The following ZNF423 variants were observed in gnomAD, a reference collection of about 807,000 sequenced individuals.
ZNF423 encodes zinc finger protein 423.
ZNF423 carries 12 observed loss-of-function variants against 95.8 expected under a neutral mutation model. The observed-to-expected ratio is 0.13, with a 90% CI of 0.08 to 0.20. The LOEUF is 0.20. Ranked by LOEUF, ZNF423 falls within the 10% of genes least tolerant of loss-of-function variation. ZNF423 has a pLI of 1.00. For missense variants in ZNF423, 1,316 were observed against 1,737.1 expected (o/e 0.76, Z 4.31); for synonymous variants, 749 against 711.9 (o/e 1.05, Z -0.83).
chr16:49,555,734 G>A lies in ZNF423; in HGVS notation c.3602-30240C>T, dbSNP rs778289987. Among the ~76,000 whole-genome samples, 34 of 152,186 alleles carry A rather than the reference G, an allele frequency of 2.2e-4. 1 individual carries two copies. The highest frequency in any genetic ancestry group is 4.4e-4 in the Non-Finnish European group (30 of 68,032). On this transcript the variant is annotated intron_variant, in intron 5 of 7. Coordinates refer to ENST00000563137, the MANE Select transcript of ZNF423 (RefSeq NM_001379286.1). ...TGGAAGAATGAATGAGTGGGCGGAT[G>A]GAAGGATAAGTGTATGGGTGAATAA...
intron 7 of ZNF423, among the ~76,000 whole-genome samples, chr16:49,497,495 T>C (rs905054889): frequency 3.3e-5 from 5 of 152,130 alleles, no homozygotes; most frequent in Non-Finnish European, 5.9e-5. Context: ...CCCTATAGCA[T>C]ATGAAGGCAC....
At chr16:49,760,961 C>T (rs1453709498) in intron 2 of ZNF423, among the ~76,000 whole-genome samples, 3 of 151,542 alleles carry the variant, frequency 2.0e-5, no homozygotes, top group Non-Finnish European at 4.4e-5. Context: ...TACATGCATG[C>T]ACATGAACAC....
intron 1 of ZNF423, among the ~76,000 whole-genome samples, chr16:49,796,204 G>A (rs1000107527): frequency 6.6e-6 from 1 of 152,068 alleles, no homozygotes; most frequent in Non-Finnish European, 1.5e-5. Flanking sequence ...CAACTCTCCT[G>A]CTCTGGGATT....
chr16:49,734,180 TTGC>T (rs2033232220), intron 2 of ZNF423, among the ~76,000 whole-genome samples: 1 of 152,162 alleles, frequency 6.6e-6, no homozygotes, highest in African/African-American at 2.4e-5. Context: ...ACCTGATCGG[TTGC>T]TCAGTAAGTC....
In ZNF423 at chr16:49,637,352, C is replaced by G. The variant is rs777708604; in HGVS notation, c.1824G>C (p.Lys608Asn). Reference protein sequence around the residue: ...NIPLAHSKKSKAEQSPVSSDV... With the variant: ...NIPLAHSKKSNAEQSPVSSDV... ...CGGACGAGACTGGGCTCTGCTCGGC[C>G]TTGGACTTCTTGCTGTGGGCCAGTG... The change falls in exon 4 of 8, where the codon AAG becomes AAC. Residue 608 changes from lysine (K) to asparagine (N), a missense_variant. Lys to Asn is a moderately conservative substitution (Grantham distance 94). Transcript: ENST00000563137. The surrounding 1 kb of genome is among the most constrained non-coding windows in gnomAD (Gnocchi z 5.6). The G allele has an allele frequency of 6.2e-7, 1 of 1,614,212 alleles. No homozygotes were observed. Among genetic ancestry groups the G allele is most frequent in the Admixed American group, 1.7e-5 (1 of 60,028 alleles).
intron 5 of ZNF423, among the ~76,000 whole-genome samples, chr16:49,620,174 A>AAC (rs1567507967): frequency 6.7e-6 from 1 of 149,010 alleles, no homozygotes; most frequent in East Asian, 2.0e-4. Flanking sequence ...ACACACACAC[A>AAC]ACACACACAT....
intron 3 of ZNF423, among the ~76,000 whole-genome samples, chr16:49,646,038 AT>A (rs1240049175): frequency 6.6e-6 from 1 of 152,228 alleles, no homozygotes; most frequent in Admixed American, 6.5e-5. Context: ...GAATGAACTA[AT>A]ATACTGTAGA....
At chr16:49,753,225 C>A (rs1427992167) in intron 2 of ZNF423, among the ~76,000 whole-genome samples, 1 of 152,140 alleles carries the variant, frequency 6.6e-6, no homozygotes. Context: ...TCCTGGGCAA[C>A]AGAGCAAGAC....
intron 5 of ZNF423, among the ~76,000 whole-genome samples, chr16:49,615,540 G>A (rs1053391303): frequency 7.9e-5 from 12 of 152,262 alleles, no homozygotes; most frequent in East Asian, 1.9e-4. Flanking sequence ...AGAAAGGCAC[G>A]CAGGCTAGGC....
At chr16:49,840,071 C>T (rs1015887024) in intron 1 of ZNF423, among the ~76,000 whole-genome samples, 8 of 152,116 alleles carry the variant, frequency 5.3e-5, no homozygotes, top group African/African-American at 1.7e-4. Context: ...TAAACATGTG[C>T]GAGGAATGAA....
chr16:49,620,340 G>C (rs1972027359), intron 5 of ZNF423, among the ~76,000 whole-genome samples: 1 of 152,178 alleles, frequency 6.6e-6, no homozygotes, highest in Non-Finnish European at 1.5e-5. Context: ...GACACACAAG[G>C]ACAGAAGCTG....
chr16:49,623,899 T>C (rs1288143726), intron 5 of ZNF423, among the ~76,000 whole-genome samples: 4 of 152,166 alleles, frequency 2.6e-5, no homozygotes, highest in South Asian at 2.1e-4. Flanking sequence ...AGGGGACCCA[T>C]ACCTGCCCTG....
At chr16:49,539,669 G>A (rs1186045781) in intron 5 of ZNF423, among the ~76,000 whole-genome samples, 4 of 152,196 alleles carry the variant, frequency 2.6e-5, no homozygotes, top group African/African-American at 7.2e-5. Flanking sequence ...TGTGCAAGGT[G>A]GTGGGTGTGG....
At chr16:49,606,814 C>T (rs910555212) in intron 5 of ZNF423, among the ~76,000 whole-genome samples, 6 of 152,150 alleles carry the variant, frequency 3.9e-5, no homozygotes, top group Non-Finnish European at 7.4e-5. Context: ...CTGAGTAATG[C>T]TCCTGCCATC....
chr16:49,788,697 G>A (rs545827574), intron 2 of ZNF423, among the ~76,000 whole-genome samples: 1 of 152,320 alleles, frequency 6.6e-6, no homozygotes, highest in East Asian at 1.9e-4. Flanking sequence ...CCCAGGGCAG[G>A]CCTGGCCCAA....
At chr16:49,797,007 T>A (rs1221997285) in intron 1 of ZNF423, among the ~76,000 whole-genome samples, 1 of 151,804 alleles carries the variant, frequency 6.6e-6, no homozygotes. Flanking sequence ...CCTTACAACA[T>A]CCCATGCCTC....
chr16:49,806,081 G>C (rs948154888), intron 1 of ZNF423, among the ~76,000 whole-genome samples: 1 of 152,274 alleles, frequency 6.6e-6, no homozygotes, highest in Non-Finnish European at 1.5e-5. Context: ...TCTCTGCATG[G>C]TCTCGTTAAC....
chr16:49,772,067 C>T (rs1452069318), intron 2 of ZNF423, among the ~76,000 whole-genome samples: 2 of 152,178 alleles, frequency 1.3e-5, no homozygotes, highest in African/African-American at 2.4e-5. Context: ...GGAAACATCC[C>T]ACCCTGTGTC....
rs1040488993 is a variant in ZNF423, at chr16:49,603,791, C to T, written c.3601+22379G>A. 1.3e-5 allele frequency among the ~76,000 whole-genome samples: 2 copies of T among 152,202 alleles called. No individual in the cohort carries two copies. The highest frequency in any genetic ancestry group is 2.1e-4 in the South Asian group (1 of 4,824). ...CCCACAAATTATTCAGCTGATCTTTCCTCCATGTCTGAGAGCACCAGAGCC... is the reference window on the plus strand; with the variant it reads ...CCCACAAATTATTCAGCTGATCTTTTCTCCATGTCTGAGAGCACCAGAGCC... On this transcript the variant is annotated intron_variant, in intron 5 of 7. Transcript: ENST00000563137. This position sits in a 1 kb window ranked among gnomAD's most constrained non-coding sequence, Gnocchi z 4.1.
Sources: allele counts gnomAD v4.1 joint callset (sites outside exome capture counted in the v4.1 genomes callset), GRCh38; gene constraint gnomAD v4.1.1; non-coding constraint Gnocchi (gnomAD v3.1); transcripts MANE v1.5; gene names NCBI Gene and HGNC (gene_info 2026-07-23, HGNC 2026-07-21).